JAZF1: variants seen among roughly 807,000 people sequenced by gnomAD.
The protein encoded by JAZF1 is juxtaposed with another zinc finger protein 1.
Under a neutral mutation model 26.4 loss-of-function variants are expected in JAZF1, and 8 were observed. The ratio of observed to expected loss-of-function variants is 0.30; its 90% confidence interval spans 0.18 to 0.55. The LOEUF is 0.55. Among genes scored for constraint, JAZF1 ranks in the 20% least tolerant of loss-of-function variants. The pLI is 0.94. For synonymous variants in JAZF1, 126 were observed against 122.3 expected, an observed-to-expected ratio of 1.03 and a Z score of -0.20; for missense variants, 199 against 322.0, an observed-to-expected ratio of 0.62 and a Z score of 2.92.
chr7:27,873,450 C>A (rs77001734), intron 3 of JAZF1, among the ~76,000 whole-genome samples: 3,649 of 152,258 alleles, frequency 0.024, 121 homozygotes, highest in African/African-American at 0.083. Flanking sequence ...CCGAACCCAA[C>A]ACACCAGTTC....
At chr7:28,149,772 G>C (rs1484463669) in intron 1 of JAZF1, among the ~76,000 whole-genome samples, 1 of 152,174 alleles carries the variant, frequency 6.6e-6, no homozygotes, top group Non-Finnish European at 1.5e-5. Context: ...ATAGCAATGG[G>C]CTAAATAATT....
chr7:28,070,701 G>T (rs745561806), intron 1 of JAZF1, among the ~76,000 whole-genome samples: 11 of 152,194 alleles, frequency 7.2e-5, no homozygotes, highest in Non-Finnish European at 1.5e-4. Context: ...GCAGGAAGAT[G>T]GGCATTTGAA....
intron 1 of JAZF1, among the ~76,000 whole-genome samples, chr7:28,096,066 T>C (rs1230924827): frequency 6.6e-6 from 1 of 151,910 alleles, no homozygotes; most frequent in Non-Finnish European, 1.5e-5. Flanking sequence ...CATATGAAAT[T>C]TGGGGGGGGC....
intron 2 of JAZF1, among the ~76,000 whole-genome samples, chr7:27,970,540 T>C (rs1389828812): frequency 6.6e-6 from 1 of 152,208 alleles, no homozygotes; most frequent in Non-Finnish European, 1.5e-5. Context: ...TATGAGTATA[T>C]GGAATGAGTC....
intron 1 of JAZF1, among the ~76,000 whole-genome samples, chr7:28,066,494 T>C (rs1022507218): frequency 6.6e-6 from 1 of 150,548 alleles, no homozygotes; most frequent in African/African-American, 2.5e-5. Flanking sequence ...TCCCAGCTAC[T>C]TGGGAGGCTG....
chr7:28,092,379 A>C lies in JAZF1; in HGVS notation c.115+88084T>G, dbSNP rs188236888. 1.6e-3 allele frequency among the ~76,000 whole-genome samples: 232 copies of C among 149,024 alleles called. 1 individual carries two copies. The highest frequency in any genetic ancestry group is 1.2e-3 in the Non-Finnish European group (80 of 67,390). ...GAAATAAAAAGATCTCATTTTTAGAAATGACAGCTCCTTATTTTGGCTTCT... is the reference window on the plus strand; with the variant it reads ...GAAATAAAAAGATCTCATTTTTAGACATGACAGCTCCTTATTTTGGCTTCT... On this transcript the variant is annotated intron_variant, in intron 1 of 4. Transcript: ENST00000283928.
chr7:28,096,797 G>A (rs1179272427), intron 1 of JAZF1, among the ~76,000 whole-genome samples: 1 of 152,170 alleles, frequency 6.6e-6, no homozygotes, highest in Non-Finnish European at 1.5e-5. Context: ...GAAGCTGACT[G>A]CAAATGAAAC....
intron 2 of JAZF1, among the ~76,000 whole-genome samples, chr7:27,920,854 C>A (rs1457955075): frequency 6.6e-6 from 1 of 152,164 alleles, no homozygotes; most frequent in Non-Finnish European, 1.5e-5. Context: ...CATAAACGAC[C>A]ATTTTAATTA....
chr7:27,832,695 C>T lies in JAZF1; in HGVS notation c.*105G>A. 1.1e-6 allele frequency: 1 copy of T among 929,304 alleles called. No individual in the cohort carries two copies. Among genetic ancestry groups the T allele is most frequent in the East Asian group, 2.6e-5 (1 of 38,012 alleles). 57.6% of individuals were successfully genotyped at this position (929,304 alleles called of 1,614,324 possible). A position where few individuals can be genotyped will look rare whatever the true frequency, so the allele number is the denominator to read the frequency against. ...AAAAATTTAAAGCATGCATTTAATT[C>T]TTTTTCTTTAAAGGGTTGCTGAATG... On this transcript the variant is annotated 3_prime_UTR_variant, in exon 5 of 5. Coordinates refer to ENST00000283928, the MANE Select transcript of JAZF1 (RefSeq NM_175061.4).
At chr7:28,123,179 T>G (rs1782632639) in intron 1 of JAZF1, among the ~76,000 whole-genome samples, 1 of 152,264 alleles carries the variant, frequency 6.6e-6, no homozygotes, top group East Asian at 1.9e-4. Flanking sequence ...TCAGGGCCTG[T>G]GCACATGCAG....
intron 1 of JAZF1, among the ~76,000 whole-genome samples, chr7:28,022,609 C>G (rs950988330): frequency 5.3e-5 from 8 of 152,178 alleles, no homozygotes; most frequent in Non-Finnish European, 1.5e-5. Flanking sequence ...AATCAACTAT[C>G]CAAACATAGT....
intron 3 of JAZF1, among the ~76,000 whole-genome samples, chr7:27,879,644 C>A (rs1235356029): frequency 6.6e-6 from 1 of 152,012 alleles, no homozygotes; most frequent in Non-Finnish European, 1.5e-5. Flanking sequence ...GGGGCCTGCT[C>A]AAGATATAGG....
intron 3 of JAZF1, among the ~76,000 whole-genome samples, chr7:27,877,526 T>C (rs1783699005): frequency 6.6e-6 from 1 of 152,096 alleles, no homozygotes; most frequent in Admixed American, 6.5e-5. Context: ...TCCTTCAATA[T>C]GGGGAAGAAA....
intron 1 of JAZF1, among the ~76,000 whole-genome samples, chr7:28,005,033 A>G (rs1161695585): frequency 6.6e-6 from 1 of 152,288 alleles, no homozygotes; most frequent in Middle Eastern, 3.4e-3. Flanking sequence ...TATTAAGCTT[A>G]GTAATTATGT....
At position 27,832,656 on chromosome 7, in the gene JAZF1, T is replaced by C. The variant is rs1782728591; in HGVS notation, c.*144A>G. 1.5e-5 allele frequency: 9 copies of C among 606,094 alleles called. No homozygotes were observed. In the South Asian group the frequency reaches 2.7e-4, roughly 18 times the overall value. The allele number at this position is 606,094 out of a possible 1,614,324, so 37.5% of individuals were successfully genotyped here. A position where few individuals can be genotyped will look rare whatever the true frequency, so the allele number is the denominator to read the frequency against. On this transcript the variant is annotated 3_prime_UTR_variant, in exon 5 of 5. Coordinates refer to ENST00000283928, the MANE Select transcript of JAZF1 (RefSeq NM_175061.4). ...CATTAACTCTACAAAGATACATCAT[T>C]CCAAAATTACAGAAAAAATTTAAAG... is the stretch of plus-strand genomic sequence containing the variant.
chr7:27,953,699 T>G (rs1386887775), intron 2 of JAZF1, among the ~76,000 whole-genome samples: 1 of 152,166 alleles, frequency 6.6e-6, no homozygotes, highest in Non-Finnish European at 1.5e-5. Flanking sequence ...AAATTTAACT[T>G]GAACAACTAG....
At chr7:28,032,831 C>G (rs867415856) in intron 1 of JAZF1, among the ~76,000 whole-genome samples, 5 of 152,050 alleles carry the variant, frequency 3.3e-5, no homozygotes, top group Admixed American at 6.6e-5. Flanking sequence ...ATTAGCACAA[C>G]GGGCCCAGTC....
Position 27,958,956 on chromosome 7 carries a change from G to A in JAZF1, c.188+32953C>T, listed in dbSNP as rs188811478. Among the ~76,000 whole-genome samples, 4 of 152,322 alleles carry A rather than the reference G, an allele frequency of 2.6e-5. No homozygotes were observed. The East Asian group carries it at 7.7e-4, about 29-fold the overall frequency. ...GTTTTACTAGCAGTACCAGTAAAGT[G>A]CAAGAGTAATGGCAAGATTAGCAAT... is the stretch of plus-strand genomic sequence containing the variant. On this transcript the variant is annotated intron_variant, in intron 2 of 4. Coordinates refer to ENST00000283928, the MANE Select transcript of JAZF1 (RefSeq NM_175061.4).
chr7:28,139,829 G>C (rs1471409732), intron 1 of JAZF1, among the ~76,000 whole-genome samples: 4 of 152,156 alleles, frequency 2.6e-5, no homozygotes, highest in Admixed American at 2.6e-4. Context: ...GGTTGAAGAA[G>C]ACATCTATAT....
Sources: gnomAD v4.1 joint callset for allele counts (sites outside exome capture counted in the v4.1 genomes callset) on GRCh38, gnomAD v4.1.1 for gene constraint, MANE v1.5 for transcripts, NCBI Gene and HGNC (gene_info 2026-07-23, HGNC 2026-07-21) for gene names.